FAM228B: variants seen among roughly 807,000 people sequenced by gnomAD.
FAM228B encodes family with sequence similarity 228 member B, also known as protein FAM228B.
FAM228B carries 38 observed loss-of-function variants against 42.6 expected under a neutral mutation model. The observed-to-expected ratio is 0.89, with a 90% CI of 0.69 to 1.17. FAM228B has a LOEUF of 1.17. Ranked by LOEUF, FAM228B falls within the 50% of genes most tolerant of loss-of-function variation. FAM228B has a pLI of 0.00. For missense variants in FAM228B, 344 were observed against 367.3 expected, an observed-to-expected ratio of 0.94 and a Z score of 0.52; for synonymous variants, 109 against 122.3, an observed-to-expected ratio of 0.89 and a Z score of 0.72.
chr2:24,155,527 A>ATT (rs1467147806), intron 7 of FAM228B, among the ~76,000 whole-genome samples: 20 of 19,008 alleles, frequency 1.1e-3, no homozygotes, highest in African/African-American at 2.8e-3. Context: ...ATATATATAT[A>ATT]TATATTTTTT....
At chr2:24,160,613 C>T (rs991130905) in intron 7 of FAM228B, among the ~76,000 whole-genome samples, 2 of 152,042 alleles carry the variant, frequency 1.3e-5, no homozygotes, top group African/African-American at 4.8e-5. Flanking sequence ...CCCCAATATG[C>T]TTGTTCATTC....
chr2:24,102,366 G>A (rs12713198), intron 3 of FAM228B, among the ~76,000 whole-genome samples: 18,404 of 152,116 alleles, frequency 0.12, 1,299 homozygotes, highest in South Asian at 0.18. Context: ...GGAAAGATTC[G>A]GGAAGTAAAA....
intron 3 of FAM228B, among the ~76,000 whole-genome samples, chr2:24,113,161 T>G (rs563427193): frequency 6.6e-6 from 1 of 152,232 alleles, no homozygotes; most frequent in Admixed American, 6.5e-5. Context: ...CAAAGCCGAC[T>G]ATGTGCTAGG....
intron 7 of FAM228B, among the ~76,000 whole-genome samples, chr2:24,155,467 C>G (rs772743668): frequency 7.1e-6 from 1 of 140,552 alleles, no homozygotes; most frequent in Non-Finnish European, 1.5e-5. Flanking sequence ...TCTTTACACA[C>G]TAAGCAAGTG....
intron 5 of FAM228B, among the ~76,000 whole-genome samples, chr2:24,141,158 TC>T (rs1666736053): frequency 6.6e-6 from 1 of 151,230 alleles, no homozygotes; most frequent in Non-Finnish European, 1.5e-5. Context: ...TCCTGCAACC[TC>T]CCCATCCTGG....
At chr2:24,152,380 G>A (rs190648302) in intron 7 of FAM228B, among the ~76,000 whole-genome samples, 31 of 152,320 alleles carry the variant, frequency 2.0e-4, no homozygotes, top group Non-Finnish European at 3.4e-4. Flanking sequence ...GGATGGTGTT[G>A]ATGCTTATAG....
At chr2:24,155,506 TATATATATATATA>T (rs1667114520) in intron 7 of FAM228B, among the ~76,000 whole-genome samples, 1 of 49,660 alleles carries the variant, frequency 2.0e-5, no homozygotes, top group Non-Finnish European at 3.9e-5. Flanking sequence ...AGACCATGCA[TATATATATATATA>T]TATATATATA....
chr2:24,137,950 A>C lies in FAM228B; in HGVS notation c.210A>C (p.Ala70=). ...TACAACATCATGCCTTCTTAAATGCAAGAAGAAAGGAGATGTTATATAAAA... is the reference window on the plus strand; with the variant it reads ...TACAACATCATGCCTTCTTAAATGCCAGAAGAAAGGAGATGTTATATAAAA... The part of the protein sequence containing the change: ...KYLQHHAFLN[A]RRKEMLYKRW... The change falls in exon 4 of 11, where the codon GCA becomes GCC. Residue 70 remains alanine, a synonymous_variant. Transcript: ENST00000615575. The C allele has an allele frequency of 1.3e-6, 2 of 1,540,370 alleles. No individual in the cohort carries two copies. Among genetic ancestry groups the C allele is most frequent in the South Asian group, 1.2e-5 (1 of 80,712 alleles).
At chr2:24,091,747 C>T (rs1313892845) in intron 2 of FAM228B, among the ~76,000 whole-genome samples, 3 of 152,048 alleles carry the variant, frequency 2.0e-5, no homozygotes, top group Non-Finnish European at 4.4e-5. Flanking sequence ...GAAACAAGAT[C>T]TGAACAAATG....
chr2:24,161,896 T>C (rs577336906), intron 8 of FAM228B, among the ~76,000 whole-genome samples: 5 of 152,188 alleles, frequency 3.3e-5, no homozygotes, highest in Non-Finnish European at 5.9e-5. Context: ...GTCAGGAGTT[T>C]GAGACCAGCC....
intron 9 of FAM228B, among the ~76,000 whole-genome samples, chr2:24,164,702 T>G (rs1667362690): frequency 6.6e-6 from 1 of 152,192 alleles, no homozygotes; most frequent in African/African-American, 2.4e-5. Flanking sequence ...CCACTTAGCA[T>G]AGCCAAGCCA....
intron 2 of FAM228B, among the ~76,000 whole-genome samples, chr2:24,092,404 A>G (rs1665411046): frequency 6.6e-6 from 1 of 151,290 alleles, no homozygotes. Flanking sequence ...GTGAAACCCC[A>G]TCTCTACTAA....
At chr2:24,113,060 G>A (rs944597327) in intron 3 of FAM228B, among the ~76,000 whole-genome samples, 6 of 152,174 alleles carry the variant, frequency 3.9e-5, no homozygotes, top group Non-Finnish European at 5.9e-5. Flanking sequence ...ATGTGGTCAT[G>A]TGACTCATTT....
chr2:24,107,567 A>C (rs773729086), intron 3 of FAM228B, among the ~76,000 whole-genome samples: 1 of 152,250 alleles, frequency 6.6e-6, no homozygotes, highest in Non-Finnish European at 1.5e-5. Flanking sequence ...ACCTGAAATC[A>C]TACCAACCAC....
Position 24,080,722 on chromosome 2 carries a change from G to A in FAM228B, c.-289-154G>A. ...GGCAGCTGTTGTGCACTTAGCAGAG[G>A]TAAGACTGATACACAGCACTGGCAA... On this transcript the variant is annotated intron_variant, in intron 1 of 10. Transcript: ENST00000613899. This position sits in a 1 kb window ranked among gnomAD's most constrained non-coding sequence, Gnocchi z 4.7. The A allele has an allele frequency of 6.8e-7, 1 of 1,468,722 alleles. No homozygotes were observed. Among genetic ancestry groups the A allele is most frequent in the South Asian group, 1.2e-5 (1 of 83,910 alleles). 91.0% of individuals were successfully genotyped at this position (1,468,722 alleles called of 1,614,324 possible).
chr2:24,151,603 T>G (rs10173338), intron 7 of FAM228B, among the ~76,000 whole-genome samples: 12,875 of 117,440 alleles, frequency 0.11, 634 homozygotes, highest in South Asian at 0.18. Context: ...CATTATGAGA[T>G]TTTTTGGTGA....
At chr2:24,128,676 TA>T (rs1301718536) in intron 2 of FAM228B, among the ~76,000 whole-genome samples, 1 of 151,908 alleles carries the variant, frequency 6.6e-6, no homozygotes, top group African/African-American at 2.4e-5. Context: ...GAGTACTAGA[TA>T]TTTTTGATTT....
chr2:24,139,773 C>A (rs1467042184), intron 5 of FAM228B, among the ~76,000 whole-genome samples: 1 of 151,980 alleles, frequency 6.6e-6, no homozygotes, highest in African/African-American at 2.4e-5. Context: ...AAATAAAAAA[C>A]CAAAATTCTA....
chr2:24,079,277 T>C, intron 1 of FAM228B: 1 of 657,746 alleles, frequency 1.5e-6, no homozygotes, highest in Non-Finnish European at 2.6e-6. Flanking sequence ...TCAACCAATC[T>C]GAATCAGTTC....
Sources: allele counts gnomAD v4.1 joint callset (sites outside exome capture counted in the v4.1 genomes callset), GRCh38; gene constraint gnomAD v4.1.1; non-coding constraint Gnocchi (gnomAD v3.1); transcripts MANE v1.5; gene names NCBI Gene and HGNC (gene_info 2026-07-23, HGNC 2026-07-21).